The following SVEP1 variants were observed in gnomAD, a reference collection of about 807,000 sequenced individuals.
SVEP1 encodes the protein sushi, von Willebrand factor type A, EGF and pentraxin domain-containing protein 1.
In SVEP1, 164 loss-of-function variants were observed where a neutral mutation model predicts 367.3. The ratio of observed to expected loss-of-function variants is 0.45; its 90% CI spans 0.39 to 0.51. SVEP1 has a LOEUF of 0.51. SVEP1 is among the 20% of genes least tolerant of loss of function. The probability of loss-of-function intolerance (pLI) is 0.00; values close to 1 mark genes in which losing one functional copy is unlikely to be tolerated. For synonymous variants in SVEP1, 1,666 were observed against 1,611.6 expected, an observed-to-expected ratio of 1.03 and a Z score of -0.81; for missense variants, 4,117 against 4,425.3, an observed-to-expected ratio of 0.93 and a Z score of 1.98.
In SVEP1 at chr9:110,389,469, G is replaced by C. The variant is rs1827590859; in HGVS notation, c.9886+55C>G. 3 of 1,594,172 alleles carry C rather than the reference G, an allele frequency of 1.9e-6. No individual in the cohort carries two copies. In the African/African-American group the frequency reaches 4.0e-5, roughly 22 times the overall value. On this transcript the variant is annotated intron_variant, in intron 41 of 47. Coordinates refer to ENST00000374469, the MANE Select transcript of SVEP1 (RefSeq NM_153366.4). ...CCTATAAAGAAAATGTAGCCACACT[G>C]TTATTTTGTGTCCTCAGTGTCATTT...
At chr9:110,435,458 A>G in intron 28 of SVEP1, 94 bp from the exon 29 acceptor site, 1 of 1,446,266 alleles carries the variant, frequency 6.9e-7, no homozygotes, top group Non-Finnish European at 9.3e-7. Context: ...ACATTCACAG[A>G]TTTTTTAGAG....
Position 110,386,082 on chromosome 9 carries a change from AAAG to A in SVEP1, c.10061-11_10061-9del. 6.2e-7 allele frequency: 1 copy of A among 1,601,372 alleles called. No homozygotes were observed. Among genetic ancestry groups the A allele is most frequent in the East Asian group, 2.2e-5 (1 of 44,626 alleles). On this transcript the variant is annotated splice_polypyrimidine_tract_variant and intron_variant, in intron 42 of 47. Transcript: ENST00000374469. ...GAACAGGGCATGGATTTGCTGTCAA[AAAG>A]AAAAGAAAATGCTTACTGATATTTC...
In SVEP1 at chr9:110,432,024, C is replaced by T; in HGVS notation, c.5244G>A (p.Glu1748=). The change falls in exon 32 of 48, where the codon GAG becomes GAA. Residue 1748 remains glutamate, a synonymous_variant. Transcript: ENST00000374469. ...GVSPSCLDVD[E]CAVGSDCSEH... ...CACTACAATCTGATCCAACTGCACACTCATCGACATCTAAAATGAAGACAG... is the reference window on the plus strand; with the variant it reads ...CACTACAATCTGATCCAACTGCACATTCATCGACATCTAAAATGAAGACAG... 1 of 1,600,966 alleles carries T rather than the reference C, an allele frequency of 6.2e-7. No individual in the cohort carries two copies. The highest frequency in any genetic ancestry group is 1.1e-5 in the South Asian group (1 of 87,988).
chr9:110,399,109 T>G (rs979610554), intron 40 of SVEP1, among the ~76,000 whole-genome samples: 2 of 152,140 alleles, frequency 1.3e-5, no homozygotes, highest in Non-Finnish European at 2.9e-5. Context: ...TGTCCAACAA[T>G]GATAGACTGG....
intron 5 of SVEP1, among the ~76,000 whole-genome samples, chr9:110,505,819 C>CT (rs565499379): frequency 0.22 from 32,445 of 147,006 alleles, 4,109 homozygotes; most frequent in Admixed American, 0.3. Context: ...TCTTTTCTCT[C>CT]TTTTTTTTTT....
intron 29 of SVEP1, 64 bp downstream of exon 29, chr9:110,435,177 T>A (rs1228713904): frequency 6.4e-7 from 1 of 1,572,672 alleles, no homozygotes; most frequent in Non-Finnish European, 8.6e-7. Context: ...AACTGTCTTC[T>A]TTTGCTAGAC....
chr9:110,412,949 T>G (rs1588041903), intron 36 of SVEP1, among the ~76,000 whole-genome samples: 1 of 151,330 alleles, frequency 6.6e-6, no homozygotes, highest in Non-Finnish European at 1.5e-5. Flanking sequence ...GGTGGGACTG[T>G]AAACTAGTTC....
chr9:110,377,416 G>T lies in SVEP1; in HGVS notation c.10409-50C>A, dbSNP rs112873565. 2.0e-5 allele frequency: 31 copies of T among 1,555,386 alleles called. No homozygotes were observed. In the African/African-American group the frequency reaches 3.1e-4, roughly 16 times the overall value. ...CAAATGTAGGGAATTATGAAGGGAA[G>T]GAGTCAGAAAATAGAATTGCCCCTT... is the stretch of plus-strand genomic sequence containing the variant. On this transcript the variant is annotated intron_variant, in intron 44 of 47. Coordinates refer to ENST00000374469, the MANE Select transcript of SVEP1 (RefSeq NM_153366.4).
intron 46 of SVEP1, among the ~76,000 whole-genome samples, chr9:110,374,580 G>A (rs1429568788): frequency 6.6e-6 from 1 of 152,156 alleles, no homozygotes; most frequent in Non-Finnish European, 1.5e-5. Context: ...AACCTGGGAG[G>A]CAGAGGTTTC....
At position 110,471,351 on chromosome 9, in the gene SVEP1, G is replaced by A. The variant is rs771012862; in HGVS notation, c.2998+13C>T. Reference sequence around the variant, plus strand: ...ATGCACCAAATATTTTTGATCACAGGGAACAGTCTTACCACACATACGCCC... The same window carrying A: ...ATGCACCAAATATTTTTGATCACAGAGAACAGTCTTACCACACATACGCCC... On this transcript the variant is annotated intron_variant, in intron 16 of 47. Coordinates refer to ENST00000374469, the MANE Select transcript of SVEP1 (RefSeq NM_153366.4). 6.2e-7 allele frequency: 1 copy of A among 1,608,852 alleles called. No individual in the cohort carries two copies. The highest frequency in any genetic ancestry group is 1.1e-5 in the South Asian group (1 of 90,650).
intron 23 of SVEP1, among the ~76,000 whole-genome samples, chr9:110,450,923 T>C (rs1828683634): frequency 6.6e-6 from 1 of 152,206 alleles, no homozygotes; most frequent in Non-Finnish European, 1.5e-5. Flanking sequence ...CACTGGACAC[T>C]TTCTTGGATT....
chr9:110,368,294 T>C (rs2118932520), intron 47 of SVEP1, among the ~76,000 whole-genome samples: 2 of 152,274 alleles, frequency 1.3e-5, no homozygotes, highest in African/African-American at 4.8e-5. Context: ...TGATAATAAA[T>C]TCTCTTCTTT....
At chr9:110,377,702 TTTTC>T (rs932235130) in intron 44 of SVEP1, among the ~76,000 whole-genome samples, 11 of 152,288 alleles carry the variant, frequency 7.2e-5, no homozygotes, top group African/African-American at 2.2e-4. Flanking sequence ...ATAGTTATTG[TTTTC>T]TTTCTTTCTT....
intron 9 of SVEP1, among the ~76,000 whole-genome samples, chr9:110,486,656 T>TC (rs5899901): frequency 0.65 from 89,126 of 136,098 alleles, 28,890 homozygotes; most frequent in African/African-American, 0.71. Flanking sequence ...TCTCTCTCTC[T>TC]TTTTTTTTTT....
chr9:110,562,901 A>G (rs940808909), intron 1 of SVEP1, among the ~76,000 whole-genome samples: 2 of 152,114 alleles, frequency 1.3e-5, no homozygotes, highest in African/African-American at 4.8e-5. Flanking sequence ...CATGTAGGCC[A>G]CGCTGGTCTT....
intron 47 of SVEP1, among the ~76,000 whole-genome samples, chr9:110,367,554 A>C (rs13290178): frequency 0.13 from 19,789 of 151,810 alleles, 1,719 homozygotes; most frequent in East Asian, 0.3. Context: ...TCAGACAAGC[A>C]CTCTTCCCCC....
chr9:110,397,479 G>A (rs1827782782), intron 40 of SVEP1, among the ~76,000 whole-genome samples: 1 of 152,136 alleles, frequency 6.6e-6, no homozygotes, highest in South Asian at 2.1e-4. Flanking sequence ...ACATAGTGTT[G>A]GAAGTTCTGG....
intron 3 of SVEP1, among the ~76,000 whole-genome samples, chr9:110,526,340 A>G (rs1426895404): frequency 6.6e-6 from 1 of 152,154 alleles, no homozygotes; most frequent in Non-Finnish European, 1.5e-5. Context: ...AAGTAGAAAA[A>G]CAAAAACAAC....
intron 3 of SVEP1, among the ~76,000 whole-genome samples, chr9:110,527,365 G>A (rs1345016818): frequency 6.6e-6 from 1 of 151,944 alleles, no homozygotes; most frequent in African/African-American, 2.4e-5. Context: ...ATTCAAAGCA[G>A]AGAAACTGCA....
Sources: gnomAD v4.1 joint callset for allele counts (sites outside exome capture counted in the v4.1 genomes callset) on GRCh38, gnomAD v4.1.1 for gene constraint, MANE v1.5 for transcripts, NCBI Gene and HGNC (gene_info 2026-07-23, HGNC 2026-07-21) for gene names.